Variants in BLOC1S6 observed in about 807,000 individuals in gnomAD.
BLOC1S6 encodes biogenesis of lysosome-related organelles complex 1 subunit 6.
Under a neutral mutation model 24.7 loss-of-function variants are expected in BLOC1S6, and 24 were observed. The observed-to-expected ratio is 0.97, with a 90% CI of 0.70 to 1.37. The LOEUF (loss-of-function observed/expected upper bound fraction) is 1.37, where lower values mean the gene tolerates loss of function less well. Ranked by LOEUF, BLOC1S6 falls within the 40% of genes most tolerant of loss-of-function variation. The probability of loss-of-function intolerance (pLI) is 0.00; values close to 1 mark genes in which losing one functional copy is unlikely to be tolerated. For synonymous variants in BLOC1S6, 76 were observed against 72.6 expected (o/e 1.05, Z -0.23); for missense variants, 175 against 196.2 (o/e 0.89, Z 0.64).
At chr15:45,589,955 C>T (rs770986644) in intron 1 of BLOC1S6, among the ~76,000 whole-genome samples, 9 of 152,074 alleles carry the variant, frequency 5.9e-5, no homozygotes, top group Non-Finnish European at 1.0e-4. Flanking sequence ...TATTGTTAAG[C>T]GAAGTGAATT....
At chr15:45,587,206 G>A, upstream of BLOC1S6, 1 of 591,272 alleles carries the variant, frequency 1.7e-6, no homozygotes, top group Non-Finnish European at 3.1e-6. Context: ...GCCCCACACT[G>A]CTGAGTCCGC....
At chr15:45,605,220 T>C (rs1001582907) in intron 3 of BLOC1S6, among the ~76,000 whole-genome samples, 2 of 152,254 alleles carry the variant, frequency 1.3e-5, no homozygotes, top group Non-Finnish European at 2.9e-5. Context: ...AGTAACACTT[T>C]TGTCAATCTG....
At chr15:45,588,155 C>G (rs1371147481) in intron 1 of BLOC1S6, among the ~76,000 whole-genome samples, 1 of 152,230 alleles carries the variant, frequency 6.6e-6, no homozygotes, top group African/African-American at 2.4e-5. Flanking sequence ...GGCTGCAGGG[C>G]TCCTTGGATA....
intron 2 of BLOC1S6, among the ~76,000 whole-genome samples, chr15:45,602,621 C>A (rs1441169867): frequency 6.6e-6 from 1 of 152,180 alleles, no homozygotes; most frequent in African/African-American, 2.4e-5. Flanking sequence ...CTATGATTTC[C>A]AGTCCTGTGC....
At chr15:45,588,633 C>G (rs1214323630) in intron 1 of BLOC1S6, among the ~76,000 whole-genome samples, 2 of 152,232 alleles carry the variant, frequency 1.3e-5, no homozygotes, top group African/African-American at 4.8e-5. Flanking sequence ...TGTCACATCA[C>G]TGTCCCAAGA....
At chr15:45,588,584 A>G (rs1170426519) in intron 1 of BLOC1S6, among the ~76,000 whole-genome samples, 3 of 151,958 alleles carry the variant, frequency 2.0e-5, no homozygotes, top group Non-Finnish European at 4.4e-5. Context: ...AGGCTGGTTC[A>G]CCTCCAGTCT....
intron 2 of BLOC1S6, among the ~76,000 whole-genome samples, chr15:45,594,352 A>T (rs1450479263): frequency 6.6e-6 from 1 of 152,172 alleles, no homozygotes; most frequent in Non-Finnish European, 1.5e-5. Flanking sequence ...AGGTTCTGGG[A>T]TCCAGGCCCC....
chr15:45,599,902 T>G, intron 2 of BLOC1S6, among the ~76,000 whole-genome samples: 1 of 145,400 alleles, frequency 6.9e-6, no homozygotes, highest in Non-Finnish European at 1.5e-5. Flanking sequence ...TGCAGCATTA[T>G]TCACAATAGC....
upstream of BLOC1S6, chr15:45,587,284 A>G: frequency 1.4e-6 from 1 of 720,270 alleles, no homozygotes; most frequent in Non-Finnish European, 2.4e-6. Context: ...GGGCAGAGCC[A>G]ACTCTCGAGC....
chr15:45,594,951 T>G (rs1894015780), intron 2 of BLOC1S6, among the ~76,000 whole-genome samples: 1 of 152,028 alleles, frequency 6.6e-6, no homozygotes, highest in Non-Finnish European at 1.5e-5. Context: ...TACTTAAAAT[T>G]ATAGTTGTAT....
chr15:45,593,164 C>T (rs568533923), intron 2 of BLOC1S6, among the ~76,000 whole-genome samples: 8 of 151,998 alleles, frequency 5.3e-5, no homozygotes, highest in African/African-American at 7.2e-5. Flanking sequence ...GAGGCTGAGG[C>T]GGGCGGATCA....
At chr15:45,588,866 C>T (rs760891538) in intron 1 of BLOC1S6, among the ~76,000 whole-genome samples, 1 of 152,192 alleles carries the variant, frequency 6.6e-6, no homozygotes, top group African/African-American at 2.4e-5. Flanking sequence ...CATATTGCAT[C>T]CATTCCACTC....
chr15:45,602,404 C>A, intron 2 of BLOC1S6: 1 of 658,232 alleles, frequency 1.5e-6, no homozygotes, highest in South Asian at 1.7e-5. Context: ...GTCACTTATT[C>A]CTGTGATCCT....
intron 2 of BLOC1S6, 49 bp from the exon 3 acceptor site, chr15:45,603,051 G>A (rs749848315): frequency 2.6e-5 from 33 of 1,253,186 alleles, no homozygotes; most frequent in Non-Finnish European, 3.4e-5. Flanking sequence ...TTAATGGACC[G>A]GCACTTTAAA....
chr15:45,602,107 G>A lies in BLOC1S6; in HGVS notation c.225-993G>A, dbSNP rs149564112. ...TAGAGGGTCTTGCTTTGTTGTCCAC[G>A]CTGGTCTTGAATTCCTGGCTTCAAG... On this transcript the variant is annotated intron_variant, in intron 2 of 4. Coordinates refer to ENST00000220531, the MANE Select transcript of BLOC1S6 (RefSeq NM_012388.4). Among the ~76,000 whole-genome samples, 5 of 151,880 alleles carry A rather than the reference G, an allele frequency of 3.3e-5. 1 individual carries two copies. Among genetic ancestry groups the A allele is most frequent in the African/African-American group, 1.2e-4 (5 of 41,428 alleles).
chr15:45,601,062 A>G (rs1894253191), intron 2 of BLOC1S6, among the ~76,000 whole-genome samples: 1 of 152,196 alleles, frequency 6.6e-6, no homozygotes, highest in Non-Finnish European at 1.5e-5. Context: ...GTTTTTTCCT[A>G]TACTTACATA....
At position 45,609,433 on chromosome 15, in the gene BLOC1S6, A is replaced by T. The variant is rs1215132272; in HGVS notation, c.*2919A>T. 6.6e-6 allele frequency: 1 copy of T among 152,214 alleles called. No individual in the cohort carries two copies. The highest frequency in any genetic ancestry group is 1.5e-5 in the Non-Finnish European group (1 of 68,038). 9.4% of individuals were successfully genotyped at this position (152,214 alleles called of 1,614,324 possible). A position where few individuals can be genotyped will look rare whatever the true frequency, so the allele number is the denominator to read the frequency against. ...GCAAAATAGTGAATTGGTACTTGGG[A>T]GACTTCTGTTCTTTGTTGAAAAAAA... is the stretch of plus-strand genomic sequence containing the variant. On this transcript the variant is annotated 3_prime_UTR_variant, in exon 5 of 5. Transcript: ENST00000220531.
At chr15:45,587,565 G>T (rs1212988538) in intron 1 of BLOC1S6, 40 bp downstream of exon 1, 7 of 1,529,740 alleles carry the variant, frequency 4.6e-6, no homozygotes, top group East Asian at 2.4e-5. Context: ...CGGGCTGGGT[G>T]TGAGGGGCGG....
upstream of BLOC1S6, chr15:45,587,136 G>A (rs2140898644): frequency 6.6e-6 from 3 of 454,200 alleles, no homozygotes; most frequent in Non-Finnish European, 1.2e-5. Flanking sequence ...CACCCCGTGA[G>A]CAGCCCAAAC....
Sources: allele counts gnomAD v4.1 joint callset (sites outside exome capture counted in the v4.1 genomes callset), GRCh38; gene constraint gnomAD v4.1.1; transcripts MANE v1.5; gene names NCBI Gene and HGNC (gene_info 2026-07-23, HGNC 2026-07-21).